PRLR: variants seen among roughly 807,000 people sequenced by gnomAD.
The protein encoded by PRLR is prolactin receptor.
PRLR carries 13 observed loss-of-function variants against 40.2 expected under a neutral mutation model. The observed-to-expected ratio is 0.32, with a 90% CI of 0.21 to 0.51. The LOEUF (loss-of-function observed/expected upper bound fraction) is 0.51, where lower values mean the gene tolerates loss of function less well. Ranked by LOEUF, PRLR falls within the 20% of genes least tolerant of loss-of-function variation. The pLI is 0.97. For missense variants in PRLR, 656 were observed against 747.3 expected, an observed-to-expected ratio of 0.88 and a Z score of 1.42; for synonymous variants, 269 against 278.7, an observed-to-expected ratio of 0.97 and a Z score of 0.35.
intron 1 of PRLR, among the ~76,000 whole-genome samples, chr5:35,135,709 T>C (rs1416758324): frequency 2.0e-5 from 3 of 152,282 alleles, no homozygotes; most frequent in African/African-American, 7.2e-5. Flanking sequence ...CCCTAGGGTT[T>C]TCTGACCATC....
intron 1 of PRLR, among the ~76,000 whole-genome samples, chr5:35,131,477 C>A (rs1350277767): frequency 6.6e-6 from 1 of 152,120 alleles, no homozygotes; most frequent in Non-Finnish European, 1.5e-5. Context: ...TAAGAAGAAC[C>A]ACAATCGCTG....
Position 35,068,818 on chromosome 5 carries a change from C to G in PRLR, c.746G>C (p.Cys249Ser). 1 of 1,611,690 alleles carries G rather than the reference C, an allele frequency of 6.2e-7. No individual in the cohort carries two copies. Among genetic ancestry groups the G allele is most frequent in the Non-Finnish European group, 8.5e-7 (1 of 1,178,958 alleles). ...ISVAVLSAVI[C>S]LIIVWAVALK... ...AGCCACTGCCCAGACAATAATCAAA[C>G]AGATGACAGCAGAAAGGACAGCCAC... The change falls in exon 8 of 10, where the codon TGT becomes TCT. Residue 249 changes from cysteine (C) to serine (S), a missense_variant. Physicochemically the swap from Cys to Ser is moderately radical, Grantham distance 112. Around this residue, in one of 3 missense-constraint regions of PRLR, gnomAD observed 469 missense variants for 491.5 expected, o/e 0.95. Transcript: ENST00000618457.
intron 1 of PRLR, among the ~76,000 whole-genome samples, chr5:35,149,268 G>C (rs1413300795): frequency 6.6e-6 from 1 of 152,128 alleles, no homozygotes; most frequent in Admixed American, 6.6e-5. Flanking sequence ...AGTTTTGTTT[G>C]TGGTTTTGAG....
At chr5:35,111,030 T>C (rs1772633078) in intron 2 of PRLR, among the ~76,000 whole-genome samples, 1 of 152,134 alleles carries the variant, frequency 6.6e-6, no homozygotes, top group Admixed American at 6.6e-5. Context: ...CATTGCTGTG[T>C]GTGTGTGTTT....
chr5:35,169,040 C>G (rs1002568163), intron 1 of PRLR, among the ~76,000 whole-genome samples: 9 of 152,148 alleles, frequency 5.9e-5, no homozygotes, highest in African/African-American at 2.2e-4. Flanking sequence ...GAGAATCATT[C>G]ATTAAATGAT....
chr5:35,061,881 A>T lies in PRLR; in HGVS notation c.*3208T>A, dbSNP rs1372251485. 2 of 152,186 alleles carry T rather than the reference A, an allele frequency of 1.3e-5. No individual in the cohort carries two copies. Among genetic ancestry groups the T allele is most frequent in the African/African-American group, 4.8e-5 (2 of 41,434 alleles). The allele number at this position is 152,186 out of a possible 1,614,324, so 9.4% of individuals were successfully genotyped here. A position where few individuals can be genotyped will look rare whatever the true frequency, so the allele number is the denominator to read the frequency against. ...AATTAACAGCCAAATATAAGAAAAG[A>T]GATTTGGGGCTGTTGGATTCAGCAA... On this transcript the variant is annotated 3_prime_UTR_variant, in exon 10 of 10. Transcript: ENST00000618457.
At chr5:35,075,916 C>T (rs908255132) in intron 5 of PRLR, among the ~76,000 whole-genome samples, 3 of 152,220 alleles carry the variant, frequency 2.0e-5, no homozygotes, top group African/African-American at 7.2e-5. Flanking sequence ...TGGTGATACC[C>T]AGGCAAACAG....
At chr5:35,209,589 T>C (rs997892012) in intron 1 of PRLR, among the ~76,000 whole-genome samples, 3 of 152,348 alleles carry the variant, frequency 2.0e-5, no homozygotes, top group Admixed American at 6.5e-5. Flanking sequence ...ATGAAAATTA[T>C]GTCTATGGAA....
At chr5:35,152,965 C>T (rs1366981898) in intron 1 of PRLR, 2 of 152,212 alleles carry the variant, frequency 1.3e-5, no homozygotes, top group Non-Finnish European at 2.9e-5. Flanking sequence ...GACTTGGTAT[C>T]CGTAAGACCT....
rs369151608 is a variant in PRLR, at chr5:35,069,145, TC to T, written c.686-268del. Among the ~76,000 whole-genome samples, 3 of 152,178 alleles carry T rather than the reference TC, an allele frequency of 2.0e-5. No individual in the cohort carries two copies. In the East Asian group the frequency reaches 5.8e-4, roughly 29 times the overall value. On this transcript the variant is annotated intron_variant, in intron 7 of 9. Transcript: ENST00000618457. ...TTTTAATTGATCCTTAAAGAGGAAA[TC>T]CAAGGTCACATGGTCGTTTGCAGTA...
At chr5:35,189,918 C>A (rs1419375882) in intron 1 of PRLR, among the ~76,000 whole-genome samples, 1 of 152,158 alleles carries the variant, frequency 6.6e-6, no homozygotes. Flanking sequence ...AGCTTTGGGG[C>A]AGCAGGATCA....
intron 1 of PRLR, among the ~76,000 whole-genome samples, chr5:35,162,672 A>G (rs1226081438): frequency 6.6e-6 from 1 of 152,132 alleles, no homozygotes; most frequent in Non-Finnish European, 1.5e-5. Context: ...GTTGTTTCAT[A>G]CCCCAGATGA....
At chr5:35,089,752 G>T (rs900097704) in intron 2 of PRLR, 89 bp from the exon 3 acceptor site, 28 of 740,746 alleles carry the variant, frequency 3.8e-5, no homozygotes, top group Non-Finnish European at 5.1e-5. Context: ...GCAACTGATT[G>T]TTGCTCCTTG....
intron 1 of PRLR, among the ~76,000 whole-genome samples, chr5:35,139,008 G>GA (rs963520731): frequency 6.6e-6 from 1 of 152,178 alleles, no homozygotes; most frequent in South Asian, 2.1e-4. Context: ...AATAAGGAAA[G>GA]AAAAAAATAC....
chr5:35,112,240 T>A (rs1284675978), intron 2 of PRLR, among the ~76,000 whole-genome samples: 1 of 152,216 alleles, frequency 6.6e-6, no homozygotes, highest in East Asian at 1.9e-4. Context: ...CTTAGGGTTA[T>A]TTGAAATACC....
At chr5:35,183,102 G>A (rs772708993) in intron 1 of PRLR, among the ~76,000 whole-genome samples, 2 of 152,196 alleles carry the variant, frequency 1.3e-5, no homozygotes, top group African/African-American at 2.4e-5. Context: ...ACTTCTAGCC[G>A]TGGTGTGAAC....
chr5:35,086,159 A>C, intron 4 of PRLR, 49 bp downstream of exon 4: 1 of 1,604,832 alleles, frequency 6.2e-7, no homozygotes, highest in South Asian at 1.1e-5. Flanking sequence ...TGGCCTGGAG[A>C]ATGGGAGTAC....
At chr5:35,114,487 A>G (rs1372738743) in intron 2 of PRLR, among the ~76,000 whole-genome samples, 1 of 152,162 alleles carries the variant, frequency 6.6e-6, no homozygotes, top group Non-Finnish European at 1.5e-5. Context: ...TGGGGTTACA[A>G]TTGCTCCTTG....
rs748740648 is a variant in PRLR, at chr5:35,062,712, G to A, written c.*2377C>T. On this transcript the variant is annotated 3_prime_UTR_variant, in exon 10 of 10. Coordinates refer to ENST00000618457, the MANE Select transcript of PRLR (RefSeq NM_000949.7). ...TGTTAGGAAAGATTTAGTCTGCATT[G>A]GCTTTGAGGGTGACTGTCTTTGGTT... 13 of 152,124 alleles carry A rather than the reference G, an allele frequency of 8.5e-5. 1 individual carries two copies. 9.4% of individuals were successfully genotyped at this position (152,124 alleles called of 1,614,324 possible). A position where few individuals can be genotyped will look rare whatever the true frequency, so the allele number is the denominator to read the frequency against.
Sources: allele counts gnomAD v4.1 joint callset (sites outside exome capture counted in the v4.1 genomes callset), GRCh38; gene constraint gnomAD v4.1.1; regional missense constraint gnomAD v4.1.1; transcripts MANE v1.5; gene names NCBI Gene and HGNC (gene_info 2026-07-23, HGNC 2026-07-21).